The following PIEZO2 variants were observed in gnomAD, a reference collection of about 807,000 sequenced individuals.
PIEZO2 encodes the protein piezo-type mechanosensitive ion channel component 2.
A neutral mutation model predicts 337.3 loss-of-function variants in PIEZO2; 172 were observed. The ratio of observed to expected loss-of-function variants is 0.51; its 90% CI spans 0.45 to 0.58. PIEZO2 has a LOEUF of 0.58. Ranked by LOEUF, PIEZO2 falls within the 20% of genes least tolerant of loss-of-function variation. PIEZO2 has a pLI of 0.00. For missense variants in PIEZO2, 3,028 were observed against 3,391.3 expected (o/e 0.89, Z 2.66); for synonymous variants, 1,251 against 1,228.5 (o/e 1.02, Z -0.38).
chr18:11,100,926 T>G (rs1335364321), intron 1 of PIEZO2, among the ~76,000 whole-genome samples: 4 of 152,148 alleles, frequency 2.6e-5, no homozygotes, highest in Non-Finnish European at 4.4e-5. Flanking sequence ...CTTCAACAAA[T>G]GCCTTTCAAT....
intron 49 of PIEZO2, among the ~76,000 whole-genome samples, chr18:10,688,511 T>A (rs1455105908): frequency 6.6e-6 from 1 of 152,126 alleles, no homozygotes; most frequent in Non-Finnish European, 1.5e-5. Context: ...GTTTCATAAG[T>A]CCCCTGTGTG....
intron 3 of PIEZO2, among the ~76,000 whole-genome samples, chr18:10,970,191 G>T (rs1233225296): frequency 2.0e-5 from 3 of 152,214 alleles, no homozygotes; most frequent in African/African-American, 7.2e-5. Flanking sequence ...GAAGTGGCCA[G>T]TATTGAAGAA....
At position 10,855,519 on chromosome 18, in the gene PIEZO2, A is replaced by G. The variant is rs773154803; in HGVS notation, c.751T>C (p.Leu251=). 1.6e-4 allele frequency: 240 copies of G among 1,536,902 alleles called. 1 individual carries two copies. The highest frequency in any genetic ancestry group is 1.7e-4 in the Non-Finnish European group (199 of 1,146,904). The change falls in exon 7 of 56, where the codon TTG becomes CTG. Residue 251 remains leucine (L), a synonymous_variant. Transcript: ENST00000674853. The surrounding 1 kb of genome is among the most constrained non-coding windows in gnomAD (Gnocchi z 4.9). Reference sequence around the variant, plus strand: ...CAGGACCACCAGGTGCACAGACCCAAAAATACAAAAAAATACACAGATGAT... The same window carrying G: ...CAGGACCACCAGGTGCACAGACCCAGAAATACAAAAAAATACACAGATGAT... ...LTSSVYFFVF[L]GLCTWWSWCR...
At chr18:10,695,609 T>A (rs1598366144) in intron 47 of PIEZO2, among the ~76,000 whole-genome samples, 1 of 152,134 alleles carries the variant, frequency 6.6e-6, no homozygotes, top group Non-Finnish European at 1.5e-5. Flanking sequence ...GACTCTATCA[T>A]CTGCTCCCCA....
At chr18:10,844,345 C>T (rs942638337) in intron 7 of PIEZO2, among the ~76,000 whole-genome samples, 3 of 150,924 alleles carry the variant, frequency 2.0e-5, no homozygotes, top group Non-Finnish European at 2.9e-5. Flanking sequence ...ACTTGAATCT[C>T]GGAGGCGGGA....
chr18:10,968,172 G>A (rs1293549500), intron 3 of PIEZO2, among the ~76,000 whole-genome samples: 5 of 152,040 alleles, frequency 3.3e-5, no homozygotes, highest in African/African-American at 1.2e-4. Context: ...CCTGTGGTTT[G>A]CCAATTATCC....
chr18:10,826,576 A>G (rs747560854), intron 7 of PIEZO2, among the ~76,000 whole-genome samples: 1 of 151,940 alleles, frequency 6.6e-6, no homozygotes, highest in East Asian at 1.9e-4. Flanking sequence ...TACAATCTCC[A>G]CTCATTTCCA....
intron 3 of PIEZO2, among the ~76,000 whole-genome samples, chr18:10,976,074 T>A (rs1236098287): frequency 6.6e-6 from 1 of 152,182 alleles, no homozygotes; most frequent in Non-Finnish European, 1.5e-5. Flanking sequence ...AACAATAACA[T>A]TAGTGAAGTG....
intron 3 of PIEZO2, among the ~76,000 whole-genome samples, chr18:10,926,475 T>TTC (rs2031747782): frequency 6.6e-6 from 1 of 152,162 alleles, no homozygotes; most frequent in Non-Finnish European, 1.5e-5. Context: ...TGAAACAGGC[T>TTC]TAAAATAGGA....
rs539198637 is a variant in PIEZO2 at position 11,025,844 on chromosome 18, G to A, written c.160+40283C>T. 9.2e-5 allele frequency among the ~76,000 whole-genome samples: 14 copies of A among 152,248 alleles called. No individual in the cohort carries two copies. In the South Asian group the frequency reaches 2.9e-3, roughly 32 times the overall value. On this transcript the variant is annotated intron_variant, in intron 2 of 55. Coordinates refer to ENST00000674853, the MANE Select transcript of PIEZO2 (RefSeq NM_001378183.1). ...ACTTGCTTGCCCTGAGGTGGGTACTGCACAACTCTTGCTGAGTCAGTAGGT... is the reference window on the plus strand; with the variant it reads ...ACTTGCTTGCCCTGAGGTGGGTACTACACAACTCTTGCTGAGTCAGTAGGT...
At chr18:11,066,279 A>G in intron 1 of PIEZO2, 57 bp from the exon 2 acceptor site, 1 of 1,363,468 alleles carries the variant, frequency 7.3e-7, no homozygotes, top group Non-Finnish European at 1.0e-6. Flanking sequence ...CAGGTTGACA[A>G]AACCAGGGGT....
rs1379860141 is a variant in PIEZO2, at chr18:10,672,936, C to G, written c.8162-63G>C. The G allele has an allele frequency of 2.2e-6, 3 of 1,388,456 alleles. No individual in the cohort carries two copies. The African/African-American group carries it at 4.3e-5, about 20-fold the overall frequency. The allele number at this position is 1,388,456 out of a possible 1,614,324, so 86.0% of individuals were successfully genotyped here. A position where few individuals can be genotyped will look rare whatever the true frequency, so the allele number is the denominator to read the frequency against. On this transcript the variant is annotated intron_variant, in intron 54 of 55. Transcript: ENST00000674853. This position sits in a 1 kb window ranked among gnomAD's most constrained non-coding sequence, Gnocchi z 4.7. The stretch of plus-strand genomic sequence containing the variant: ...AATTTTAGGATTTCATGCACAGCAA[C>G]AGTTTTCAGATGGCAAAATCTGGTT...
chr18:10,979,620 A>T lies in PIEZO2; in HGVS notation c.201T>A (p.Ser67Arg). 1 of 1,536,034 alleles carries T rather than the reference A, an allele frequency of 6.5e-7. No individual in the cohort carries two copies. The highest frequency in any genetic ancestry group is 8.7e-7 in the Non-Finnish European group (1 of 1,146,010). ...GRLLKSLCFI[S>R]LSFLLLHIIF... ...TGATGTGCAGCAACAGGAAGGAAAG[A>T]CTGATGAAGCACAGAGACTTTAATA... Residue 67 changes from serine (S) to arginine (R), a missense_variant, in exon 3 of 56, where the codon AGT (serine) becomes AGA (arginine). Around this residue, in one of 5 missense-constraint regions of PIEZO2, gnomAD observed 542 missense variants for 605.6 expected, o/e 0.89. Transcript: ENST00000674853. The surrounding 1 kb of genome is among the most constrained non-coding windows in gnomAD (Gnocchi z 4.0).
At position 10,877,051 on chromosome 18, in the gene PIEZO2, C is replaced by G. The variant is rs1412552207; in HGVS notation, c.330-5636G>C. Reference sequence around the variant, plus strand: ...CTACCTATGAATATCCATGAAAACTCATGTTGCTGGGAAGCCCCACTAAGA... The same window carrying G: ...CTACCTATGAATATCCATGAAAACTGATGTTGCTGGGAAGCCCCACTAAGA... On this transcript the variant is annotated intron_variant, in intron 4 of 55. Transcript: ENST00000674853. The surrounding 1 kb of genome is among the most constrained non-coding windows in gnomAD (Gnocchi z 5.3). 6.6e-6 allele frequency among the ~76,000 whole-genome samples: 1 copy of G among 152,208 alleles called. No individual in the cohort carries two copies. Among genetic ancestry groups the G allele is most frequent in the African/African-American group, 2.4e-5 (1 of 41,452 alleles).
chr18:10,825,241 C>T (rs78442786), intron 7 of PIEZO2, among the ~76,000 whole-genome samples: 2,207 of 152,264 alleles, frequency 0.014, 56 homozygotes, highest in African/African-American at 0.05. Context: ...CTACGGGCAC[C>T]TCTAGGCAAT....
chr18:10,853,986 C>CA lies in PIEZO2; in HGVS notation c.917+1366dup, dbSNP rs2041629854. Among the ~76,000 whole-genome samples, 8 of 152,304 alleles carry CA rather than the reference C, an allele frequency of 5.3e-5. No homozygotes were observed. In the South Asian group the frequency reaches 1.5e-3, roughly 28 times the overall value. On this transcript the variant is annotated intron_variant, in intron 7 of 55. Coordinates refer to ENST00000674853, the MANE Select transcript of PIEZO2 (RefSeq NM_001378183.1). The surrounding 1 kb of genome is among the most constrained non-coding windows in gnomAD (Gnocchi z 4.2). ...GGATCTGATCTACAGCTGTGCTTCACACAGGTTTAAGTATCTACTGTGCTC... is the reference window on the plus strand; with the variant it reads ...GGATCTGATCTACAGCTGTGCTTCACAACAGGTTTAAGTATCTACTGTGCTC...
At chr18:11,117,334 C>A (rs944257684) in intron 1 of PIEZO2, among the ~76,000 whole-genome samples, 2 of 152,156 alleles carry the variant, frequency 1.3e-5, no homozygotes, top group Non-Finnish European at 2.9e-5. Context: ...ATACAGATTT[C>A]ACAATTCGAT....
chr18:10,921,897 A>G (rs2031440032), intron 3 of PIEZO2, among the ~76,000 whole-genome samples: 1 of 152,140 alleles, frequency 6.6e-6, no homozygotes, highest in Admixed American at 6.5e-5. Flanking sequence ...CCAGTCTCCC[A>G]TAGCGCTCCC....
chr18:10,948,372 G>A (rs1161029856), intron 3 of PIEZO2, among the ~76,000 whole-genome samples: 1 of 152,052 alleles, frequency 6.6e-6, no homozygotes, highest in African/African-American at 2.4e-5. Context: ...ACTTACTAAA[G>A]GGTATGTGTT....
Sources: allele counts gnomAD v4.1 joint callset (sites outside exome capture counted in the v4.1 genomes callset), GRCh38; gene constraint gnomAD v4.1.1; regional missense constraint gnomAD v4.1.1; non-coding constraint Gnocchi (gnomAD v3.1); transcripts MANE v1.5; gene names NCBI Gene and HGNC (gene_info 2026-07-23, HGNC 2026-07-21).